Variants in FUT8 observed in about 807,000 individuals in gnomAD.
FUT8 encodes fucosyltransferase 8, also known as alpha-(1,6)-fucosyltransferase.
A neutral mutation model predicts 71.3 loss-of-function variants in FUT8; 29 were observed. The ratio of observed to expected loss-of-function variants is 0.41; its 90% confidence interval spans 0.30 to 0.55. FUT8 has a LOEUF of 0.55. FUT8 is among the 20% of genes least tolerant of loss of function. The pLI is 0.34. For synonymous variants in FUT8, 254 were observed against 239.3 expected (o/e 1.06, Z -0.57); for missense variants, 544 against 702.1 (o/e 0.77, Z 2.55).
In FUT8 at chr14:65,489,324, C is replaced by T. The variant is rs532452086; in HGVS notation, c.-228+33606C>T. Among the ~76,000 whole-genome samples, 8 of 152,238 alleles carry T rather than the reference C, an allele frequency of 5.3e-5. No individual in the cohort carries two copies. The highest frequency in any genetic ancestry group is 1.3e-4 in the Admixed American group (2 of 15,280). On this transcript the variant is annotated intron_variant, in intron 2 of 10. Coordinates refer to ENST00000673929, the MANE Select transcript of FUT8 (RefSeq NM_001371533.1). This position sits in a 1 kb window ranked among gnomAD's most constrained non-coding sequence, Gnocchi z 4.0. ...ATGAAGCAAGTGTTCAGTATCCTAG[C>T]TTTCTCTAATTTTCTGGGACGTATC...
In FUT8 at chr14:65,638,672, A is replaced by G. The variant is rs935649978; in HGVS notation, c.597+9066A>G. On this transcript the variant is annotated intron_variant, in intron 6 of 10. Coordinates refer to ENST00000673929, the MANE Select transcript of FUT8 (RefSeq NM_001371533.1). This position sits in a 1 kb window ranked among gnomAD's most constrained non-coding sequence, Gnocchi z 4.5. Reference sequence around the variant, plus strand: ...CTTATGGAACCCCTCACTCCAACACAGGATTTGCCTGATCTCATTTTTCTT... The same window carrying G: ...CTTATGGAACCCCTCACTCCAACACGGGATTTGCCTGATCTCATTTTTCTT... 2.0e-5 allele frequency among the ~76,000 whole-genome samples: 3 copies of G among 152,206 alleles called. No homozygotes were observed. Among genetic ancestry groups the G allele is most frequent in the African/African-American group, 7.2e-5 (3 of 41,448 alleles).
At chr14:65,648,855 A>C (rs993563032) in intron 6 of FUT8, among the ~76,000 whole-genome samples, 2 of 152,164 alleles carry the variant, frequency 1.3e-5, no homozygotes, top group Admixed American at 6.5e-5. Flanking sequence ...TATTGGAGCT[A>C]TTATGGTCAT....
intron 7 of FUT8, among the ~76,000 whole-genome samples, chr14:65,713,037 C>A (rs948292172): frequency 2.0e-5 from 3 of 152,198 alleles, no homozygotes; most frequent in African/African-American, 7.2e-5. Flanking sequence ...TAGCCATCCT[C>A]CCTTACCCCC....
chr14:65,615,235 A>T (rs562315318), intron 3 of FUT8, among the ~76,000 whole-genome samples: 2 of 152,198 alleles, frequency 1.3e-5, no homozygotes, highest in African/African-American at 4.8e-5. Context: ...CTTCCTGAGT[A>T]GCTGGGACTG....
rs1349935885 is a variant in FUT8, at chr14:65,574,699, G to A, written c.203+12933G>A. 6.6e-6 allele frequency among the ~76,000 whole-genome samples: 1 copy of A among 152,162 alleles called. No homozygotes were observed. Among genetic ancestry groups the A allele is most frequent in the African/African-American group, 2.4e-5 (1 of 41,430 alleles). Reference sequence around the variant, plus strand: ...AATTGAGGTGGGTAGCATTTTTACAGCAATAAGAATGCTAATCTGGTTATT... The same window carrying A: ...AATTGAGGTGGGTAGCATTTTTACAACAATAAGAATGCTAATCTGGTTATT... On this transcript the variant is annotated intron_variant, in intron 3 of 10. Transcript: ENST00000673929. The surrounding 1 kb of genome is among the most constrained non-coding windows in gnomAD (Gnocchi z 5.2).
At chr14:65,733,031 A>G (rs1418373789) in intron 9 of FUT8, among the ~76,000 whole-genome samples, 200 bp from the exon 10 acceptor site, 4 of 152,190 alleles carry the variant, frequency 2.6e-5, no homozygotes, top group African/African-American at 9.6e-5. Flanking sequence ...TGATATGCCA[A>G]TAAAATTTAA....
At chr14:65,539,963 C>G (rs1884580258) in intron 2 of FUT8, among the ~76,000 whole-genome samples, 1 of 152,150 alleles carries the variant, frequency 6.6e-6, no homozygotes, top group Admixed American at 6.6e-5. Flanking sequence ...TCTCCCAGAT[C>G]ATGTGCAAGA....
At chr14:65,593,918 C>T (rs552316843) in intron 3 of FUT8, among the ~76,000 whole-genome samples, 7 of 152,116 alleles carry the variant, frequency 4.6e-5, no homozygotes, top group Non-Finnish European at 1.0e-4. Context: ...CCCTGTTGGT[C>T]AGGCTGGTCT....
intron 7 of FUT8, among the ~76,000 whole-genome samples, chr14:65,707,208 G>A (rs1242791521): frequency 1.3e-5 from 2 of 152,144 alleles, no homozygotes; most frequent in South Asian, 2.1e-4. Flanking sequence ...TCTAACAGGT[G>A]TGAGGTGATA....
chr14:65,473,331 C>T (rs1442074783), intron 2 of FUT8, among the ~76,000 whole-genome samples: 2 of 152,136 alleles, frequency 1.3e-5, no homozygotes, highest in African/African-American at 4.8e-5. Flanking sequence ...CTCTCTGTTT[C>T]TCTTTTTGTC....
chr14:65,359,466 C>T, the FUT8 span, among the ~76,000 whole-genome samples: 1 of 151,900 alleles, frequency 6.6e-6, no homozygotes, highest in Non-Finnish European at 1.5e-5. Context: ...TCTTCCCTAG[C>T]TGAACCTCTG....
chr14:65,626,059 T>C (rs1462485363), intron 5 of FUT8, among the ~76,000 whole-genome samples: 1 of 152,174 alleles, frequency 6.6e-6, no homozygotes, highest in East Asian at 1.9e-4. Flanking sequence ...CAGGGTGTTA[T>C]ATGGAACTCA....
chr14:65,449,510 A>G (rs2065790504), intron 1 of FUT8, among the ~76,000 whole-genome samples: 1 of 152,182 alleles, frequency 6.6e-6, no homozygotes, highest in South Asian at 2.1e-4. Flanking sequence ...ACTACAGAGA[A>G]AGGAGAAGGA....
chr14:65,527,570 G>A (rs1354359900), intron 2 of FUT8, among the ~76,000 whole-genome samples: 1 of 152,172 alleles, frequency 6.6e-6, no homozygotes, highest in Non-Finnish European at 1.5e-5. Context: ...ACTCATCAAA[G>A]TCATTCTCCG....
chr14:65,569,299 CT>C (rs1225751883), intron 3 of FUT8, among the ~76,000 whole-genome samples: 1 of 151,740 alleles, frequency 6.6e-6, no homozygotes, highest in East Asian at 1.9e-4. Context: ...AATACTGCTT[CT>C]GAAGCCATTA....
intron 3 of FUT8, among the ~76,000 whole-genome samples, chr14:65,575,063 CT>C (rs1886678962): frequency 6.6e-6 from 1 of 151,384 alleles, no homozygotes; most frequent in South Asian, 2.1e-4. Flanking sequence ...CTCTTCATTC[CT>C]GTATTTTATT....
At chr14:65,729,828 C>T (rs1355529668) in intron 9 of FUT8, among the ~76,000 whole-genome samples, 1 of 152,194 alleles carries the variant, frequency 6.6e-6, no homozygotes, top group East Asian at 1.9e-4. Context: ...TATAACTCCC[C>T]TGCCAGTGGT....
intron 7 of FUT8, among the ~76,000 whole-genome samples, chr14:65,700,737 A>G (rs1418298686): frequency 1.3e-5 from 2 of 152,198 alleles, no homozygotes; most frequent in Non-Finnish European, 2.9e-5. Context: ...TAGTTCTAAG[A>G]TTTAATGAAC....
intron 1 of FUT8, among the ~76,000 whole-genome samples, chr14:65,445,318 A>G (rs756454839): frequency 1.3e-5 from 2 of 152,250 alleles, no homozygotes; most frequent in African/African-American, 2.4e-5. Context: ...GTTTACAGCC[A>G]GAAAGATCCT....
Sources: gnomAD v4.1 joint callset for allele counts (sites outside exome capture counted in the v4.1 genomes callset) on GRCh38, gnomAD v4.1.1 for gene constraint, Gnocchi (gnomAD v3.1) non-coding constraint, MANE v1.5 for transcripts, NCBI Gene and HGNC (gene_info 2026-07-23, HGNC 2026-07-21) for gene names.